The following NCOA1 variants were observed in gnomAD, a reference collection of about 807,000 sequenced individuals.
NCOA1 encodes the protein nuclear receptor coactivator 1, also known as Hin-2 protein.
Under a neutral mutation model 150.9 loss-of-function variants are expected in NCOA1, and 35 were observed. The ratio of observed to expected loss-of-function variants is 0.23; its 90% CI spans 0.18 to 0.31. The LOEUF (loss-of-function observed/expected upper bound fraction) is 0.31, where lower values mean the gene tolerates loss of function less well. Among genes scored for constraint, NCOA1 ranks in the 10% least tolerant of loss-of-function variants. NCOA1 has a pLI of 1.00. For synonymous variants in NCOA1, 590 were observed against 630.0 expected, an observed-to-expected ratio of 0.94 and a Z score of 0.95; for missense variants, 1,491 against 1,749.3, an observed-to-expected ratio of 0.85 and a Z score of 2.63.
At chr2:24,740,056 T>C (rs1473280484) in intron 18 of NCOA1, among the ~76,000 whole-genome samples, 1 of 152,124 alleles carries the variant, frequency 6.6e-6, no homozygotes, top group Non-Finnish European at 1.5e-5. Context: ...TAGTACTCAC[T>C]CTCTACTTTA....
chr2:24,749,295 A>G (rs1016590066), intron 19 of NCOA1, among the ~76,000 whole-genome samples: 4 of 152,218 alleles, frequency 2.6e-5, no homozygotes, highest in African/African-American at 9.6e-5. Flanking sequence ...TGGAGCTGGC[A>G]GTCTGGGAAA....
chr2:24,691,989 T>G (rs1489616621), intron 9 of NCOA1, among the ~76,000 whole-genome samples: 1 of 152,240 alleles, frequency 6.6e-6, no homozygotes, highest in Non-Finnish European at 1.5e-5. Flanking sequence ...TGCAGCAGAC[T>G]GTTGAACAGC....
chr2:24,610,344 T>C (rs1464784017), intron 3 of NCOA1, among the ~76,000 whole-genome samples: 1 of 151,942 alleles, frequency 6.6e-6, no homozygotes, highest in Non-Finnish European at 1.5e-5. Flanking sequence ...GGTTTTACCG[T>C]GTTAGCCAGG....
intron 15 of NCOA1, among the ~76,000 whole-genome samples, chr2:24,726,999 G>A (rs557341737): frequency 6.6e-6 from 1 of 151,890 alleles, no homozygotes; most frequent in South Asian, 2.1e-4. Context: ...TTTGCCAGGC[G>A]TGGTGGTGCG....
At chr2:24,695,509 T>C (rs1486549706) in intron 10 of NCOA1, among the ~76,000 whole-genome samples, 1 of 152,156 alleles carries the variant, frequency 6.6e-6, no homozygotes, top group Non-Finnish European at 1.5e-5. Context: ...CAAGGAAATA[T>C]AAAATATGCT....
intron 9 of NCOA1, 83 bp downstream of exon 9, chr2:24,691,743 T>C: frequency 1.4e-6 from 2 of 1,410,268 alleles, no homozygotes; most frequent in Non-Finnish European, 1.9e-6. Flanking sequence ...AAACTGCCTT[T>C]TTCAGATAGT....
chr2:24,768,514 AG>A lies in NCOA1; in HGVS notation c.*124del. The A allele has an allele frequency of 1.8e-5, 3 of 166,058 alleles. No homozygotes were observed. The highest frequency in any genetic ancestry group is 2.4e-5 in the Non-Finnish European group (2 of 84,324). 10.3% of individuals were successfully genotyped at this position (166,058 alleles called of 1,614,324 possible). The stretch of plus-strand genomic sequence containing the variant: ...CCATTCTTCAGGTCGTAGCATTTGG[AG>A]CAAAAAAAAAAAAAAAAAAAAAAAA... On this transcript the variant is annotated 3_prime_UTR_variant, in exon 23 of 23. Coordinates refer to ENST00000348332, the MANE Select transcript of NCOA1 (RefSeq NM_003743.5).
At chr2:24,510,452 C>A (rs2148105603) in intron 1 of NCOA1, among the ~76,000 whole-genome samples, 1 of 152,186 alleles carries the variant, frequency 6.6e-6, no homozygotes, top group East Asian at 1.9e-4. Flanking sequence ...GCTCAAGTGA[C>A]CCATCTTGGC....
rs1379927841 is a variant in NCOA1 at position 24,515,319 on chromosome 2, G to A, written c.-396+23717G>A. On this transcript the variant is annotated intron_variant, in intron 1 of 22. Transcript: ENST00000348332. Reference sequence around the variant, plus strand: ...GCGATCATGGCTCACTGCAACCTCCGCCTACCAGGCTCAAGCAGTCCTCCC... The same window carrying A: ...GCGATCATGGCTCACTGCAACCTCCACCTACCAGGCTCAAGCAGTCCTCCC... Among the ~76,000 whole-genome samples the A allele has an allele frequency of 3.9e-5, 6 of 152,090 alleles. No homozygotes were observed. In the South Asian group the frequency reaches 8.3e-4, roughly 21 times the overall value.
chr2:24,629,714 G>A (rs1669601504), intron 3 of NCOA1, among the ~76,000 whole-genome samples: 2 of 148,052 alleles, frequency 1.4e-5, no homozygotes, highest in Admixed American at 1.4e-4. Context: ...CTGCCAAGTA[G>A]AAGACAAATT....
intron 2 of NCOA1, among the ~76,000 whole-genome samples, chr2:24,567,779 C>T (rs1299310406): frequency 1.3e-5 from 2 of 152,110 alleles, no homozygotes; most frequent in Non-Finnish European, 2.9e-5. Flanking sequence ...AAGACAGTCT[C>T]ATTTTGTTGC....
intron 1 of NCOA1, among the ~76,000 whole-genome samples, chr2:24,508,698 A>T (rs1663808676): frequency 6.6e-6 from 1 of 151,826 alleles, no homozygotes; most frequent in African/African-American, 2.4e-5. Context: ...TACAGTCTGG[A>T]TTGCAGTTTG....
chr2:24,716,167 T>C (rs1392551288), intron 14 of NCOA1, among the ~76,000 whole-genome samples: 2 of 144,874 alleles, frequency 1.4e-5, no homozygotes, highest in African/African-American at 2.5e-5. Flanking sequence ...AAAAAAAATC[T>C]GAGCAGGCAT....
intron 3 of NCOA1, among the ~76,000 whole-genome samples, chr2:24,589,565 A>G (rs772733085): frequency 1.2e-4 from 18 of 152,024 alleles, no homozygotes; most frequent in Non-Finnish European, 1.9e-4. Flanking sequence ...GTTTCTGTGC[A>G]TATATTTTGG....
At chr2:24,674,354 T>C (rs1671812812) in intron 7 of NCOA1, among the ~76,000 whole-genome samples, 1 of 151,934 alleles carries the variant, frequency 6.6e-6, no homozygotes, top group Non-Finnish European at 1.5e-5. Flanking sequence ...TACAGGCGCC[T>C]GCTACCACGC....
At position 24,706,684 on chromosome 2, in the gene NCOA1, C is replaced by T. The variant is rs764726444; in HGVS notation, c.1214C>T (p.Thr405Ile). ...GCTCATGGTGTGGCTCGTTCATCCA[C>T]ATTGCCACCATCCAACAGCAACATG... ...SPAHGVARSS[T>I]LPPSNSNMVS... The change falls in exon 13 of 23, where the codon ACA (threonine) becomes ATA (isoleucine). Residue 405 changes from threonine to isoleucine, a missense_variant. Transcript: ENST00000348332. The T allele has an allele frequency of 1.2e-6, 2 of 1,614,178 alleles. No individual in the cohort carries two copies. The highest frequency in any genetic ancestry group is 1.7e-5 in the Admixed American group (1 of 60,022).
At chr2:24,587,681 T>C (rs1425290347) in intron 3 of NCOA1, among the ~76,000 whole-genome samples, 1 of 152,234 alleles carries the variant, frequency 6.6e-6, no homozygotes, top group Non-Finnish European at 1.5e-5. Flanking sequence ...GGTCATTGTG[T>C]CTCTACTTCT....
At chr2:24,756,585 A>G (rs1028465988) in intron 20 of NCOA1, among the ~76,000 whole-genome samples, 4 of 152,214 alleles carry the variant, frequency 2.6e-5, no homozygotes, top group Admixed American at 6.5e-5. Context: ...ATTGATGGGG[A>G]AAATTATTTC....
Position 24,758,168 on chromosome 2 carries a change from A to G in NCOA1, c.4065+12A>G, listed in dbSNP as rs775065628. ...TGTGCCCTGAGCAGGTAAGTGGCAC[A>G]CTCGCCACACACATGCCACACCACA... On this transcript the variant is annotated intron_variant, in intron 21 of 22. Transcript: ENST00000348332. The G allele has an allele frequency of 3.1e-6, 5 of 1,599,644 alleles. No individual in the cohort carries two copies. The South Asian group carries it at 4.5e-5, about 14-fold the overall frequency.
Sources: allele counts gnomAD v4.1 joint callset (sites outside exome capture counted in the v4.1 genomes callset), GRCh38; gene constraint gnomAD v4.1.1; transcripts MANE v1.5; gene names NCBI Gene and HGNC (gene_info 2026-07-23, HGNC 2026-07-21).